PSAP: variants seen among roughly 807,000 people sequenced by gnomAD.
PSAP encodes the protein prosaposin, also known as precursor of saposins.
Under a neutral mutation model 66.0 loss-of-function variants are expected in PSAP, and 25 were observed. The ratio of observed to expected loss-of-function variants is 0.38; its 90% CI spans 0.28 to 0.53. The LOEUF (loss-of-function observed/expected upper bound fraction) is 0.53, where lower values mean the gene tolerates loss of function less well. PSAP is among the 20% of genes least tolerant of loss of function. The pLI is 0.83. For synonymous variants in PSAP, 273 were observed against 258.9 expected, an observed-to-expected ratio of 1.05 and a Z score of -0.52; for missense variants, 649 against 668.8, an observed-to-expected ratio of 0.97 and a Z score of 0.33.
intron 11 of PSAP, 157 bp from the exon 12 acceptor site, chr10:71,819,268 T>A (rs1193219972): frequency 4.0e-6 from 4 of 1,011,142 alleles, no homozygotes; most frequent in Non-Finnish European, 6.0e-6. Flanking sequence ...ACACCCTATC[T>A]ACATTTGGCC....
intron 1 of PSAP, among the ~76,000 whole-genome samples, chr10:71,839,342 C>T (rs958429611): frequency 1.3e-5 from 2 of 152,060 alleles, no homozygotes; most frequent in Non-Finnish European, 1.5e-5. Context: ...CGGGTTCAAG[C>T]GATTCTCCTG....
rs191271117 is a variant in PSAP, at chr10:71,831,821, A to G, written c.249+25T>C. On this transcript the variant is annotated intron_variant, in intron 3 of 13. Coordinates refer to ENST00000394936, the MANE Select transcript of PSAP (RefSeq NM_002778.4). ...CAGTGCACGTGCCCGTGGCTCAAGC[A>G]CCATCCCCACTCACCGCCGCTCACC... 3,631 of 1,611,848 alleles carry G rather than the reference A, an allele frequency of 2.3e-3. 51 individuals are homozygous for G. Among genetic ancestry groups the G allele is most frequent in the East Asian group, 0.019 (865 of 44,874 alleles).
chr10:71,820,652 A>C (rs566039996), intron 8 of PSAP, among the ~76,000 whole-genome samples: 113 of 152,108 alleles, frequency 7.4e-4, no homozygotes, highest in Non-Finnish European at 1.1e-3. Context: ...TTCGGTTACA[A>C]TCATTTCATC....
intron 6 of PSAP, among the ~76,000 whole-genome samples, chr10:71,826,995 C>A (rs971736648): frequency 6.6e-6 from 1 of 152,140 alleles, no homozygotes; most frequent in Non-Finnish European, 1.5e-5. Flanking sequence ...AGTTTCTGAG[C>A]CCACAGGACT....
chr10:71,828,221 TA>T, intron 5 of PSAP, 64 bp from the exon 6 acceptor site: 1 of 1,578,262 alleles, frequency 6.3e-7, no homozygotes, highest in East Asian at 2.2e-5. Context: ...AACGTCCTTA[TA>T]TACTCAGGGC....
chr10:71,831,970 C>A, intron 2 of PSAP, 50 bp from the exon 3 acceptor site: 1 of 1,540,266 alleles, frequency 6.5e-7, no homozygotes, highest in Non-Finnish European at 9.0e-7. Context: ...CAAATTCACA[C>A]CCCACACAGC....
chr10:71,824,513 C>G lies in PSAP; in HGVS notation c.777+1324G>C, dbSNP rs189348541. Among the ~76,000 whole-genome samples, 51 of 152,342 alleles carry G rather than the reference C, an allele frequency of 3.3e-4. No individual in the cohort carries two copies. In the South Asian group the frequency reaches 8.3e-3, roughly 25 times the overall value. On this transcript the variant is annotated intron_variant, in intron 7 of 13. Coordinates refer to ENST00000394936, the MANE Select transcript of PSAP (RefSeq NM_002778.4). ...GATATGCATATATGTATGCATTTGGCTATAAGGATATTCATCTTCCCAAAG... is the reference window on the plus strand; with the variant it reads ...GATATGCATATATGTATGCATTTGGGTATAAGGATATTCATCTTCCCAAAG...
chr10:71,843,221 G>A lies in PSAP; in HGVS notation c.40+7961C>T, dbSNP rs72804014. 7.2e-3 allele frequency among the ~76,000 whole-genome samples: 1,094 copies of A among 152,266 alleles called. 1 individual carries two copies. The highest frequency in any genetic ancestry group is 0.011 in the Admixed American group (172 of 15,290). The stretch of plus-strand genomic sequence containing the variant: ...TACCCAGGGAGGAAGATGTTCCAGA[G>A]AGGTGGAATTCAAAATGGAAAATCT... On this transcript the variant is annotated intron_variant, in intron 1 of 13. Coordinates refer to ENST00000394936, the MANE Select transcript of PSAP (RefSeq NM_002778.4).
At chr10:71,831,555 T>C (rs1842517314) in intron 3 of PSAP, among the ~76,000 whole-genome samples, 1 of 152,216 alleles carries the variant, frequency 6.6e-6, no homozygotes, top group Non-Finnish European at 1.5e-5. Context: ...CAATTAACTT[T>C]GGGCATTTAG....
chr10:71,848,214 G>A (rs989143331), intron 1 of PSAP, among the ~76,000 whole-genome samples: 3 of 152,196 alleles, frequency 2.0e-5, no homozygotes, highest in African/African-American at 7.2e-5. Flanking sequence ...GGGTGAACAG[G>A]GGCCTCTGGA....
chr10:71,847,647 CAA>C (rs771414790), intron 1 of PSAP, among the ~76,000 whole-genome samples: 39 of 125,958 alleles, frequency 3.1e-4, no homozygotes, highest in Admixed American at 3.2e-4. Flanking sequence ...CTTTCTGCTC[CAA>C]AAAAAAAAAA....
intron 1 of PSAP, among the ~76,000 whole-genome samples, chr10:71,847,549 A>G (rs76273335): frequency 0.034 from 5,149 of 152,158 alleles, 130 homozygotes; most frequent in Non-Finnish European, 0.049. Context: ...TCCCATCTCA[A>G]TAACAACCTG....
rs545637827 is a variant in PSAP at position 71,843,331 on chromosome 10, C to G, written c.40+7851G>C. 4.6e-5 allele frequency among the ~76,000 whole-genome samples: 7 copies of G among 152,230 alleles called. No homozygotes were observed. In the South Asian group the frequency reaches 1.5e-3, roughly 32 times the overall value. Reference sequence around the variant, plus strand: ...GGAGGAGCTGAGAGGTGGCCAATCACCAGGTGACAGGCGACCTTGCGGACA... The same window carrying G: ...GGAGGAGCTGAGAGGTGGCCAATCAGCAGGTGACAGGCGACCTTGCGGACA... On this transcript the variant is annotated intron_variant, in intron 1 of 13. Transcript: ENST00000394936.
At chr10:71,818,242 T>A (rs1012986496) in intron 13 of PSAP, among the ~76,000 whole-genome samples, 3 of 152,232 alleles carry the variant, frequency 2.0e-5, no homozygotes, top group East Asian at 3.9e-4. Flanking sequence ...AGGGCAAACA[T>A]GTTCCCGGGG....
At chr10:71,847,530 G>A (rs771517047) in intron 1 of PSAP, among the ~76,000 whole-genome samples, 24 of 151,932 alleles carry the variant, frequency 1.6e-4, no homozygotes, top group Non-Finnish European at 2.9e-4. Context: ...CCTGGGGACA[G>A]AGCAAGACTC....
rs182003631 is a variant in PSAP at position 71,834,057 on chromosome 10, G to A, written c.174+315C>T. Among the ~76,000 whole-genome samples, 244 of 152,300 alleles carry A rather than the reference G, an allele frequency of 1.6e-3. 1 individual carries two copies. The highest frequency in any genetic ancestry group is 5.2e-3 in the African/African-American group (215 of 41,580). ...TGGCCTCTTATCTAAGGTGAGAAGT[G>A]GGATCTGCACAGAGGCCCAGAGGCA... On this transcript the variant is annotated intron_variant, in intron 2 of 13. Transcript: ENST00000394936.
rs1457158498 is a variant in PSAP, at chr10:71,835,838, A to AC, written c.41-1334_41-1333insG. On this transcript the variant is annotated intron_variant, in intron 1 of 13. Coordinates refer to ENST00000394936, the MANE Select transcript of PSAP (RefSeq NM_002778.4). ...CTGAGACAGAAAAAAAAAAAAAAAA[A>AC]ACAAAACACAATCACCTGAGAAACA... Among the ~76,000 whole-genome samples, 105 of 133,862 alleles carry AC rather than the reference A, an allele frequency of 7.8e-4. 3 individuals are homozygous for AC. Among genetic ancestry groups the AC allele is most frequent in the African/African-American group, 3.0e-3 (100 of 33,270 alleles). The allele number at this position is 133,862 out of a possible 152,430, so 87.8% of individuals were successfully genotyped here.
chr10:71,849,557 C>T (rs1056253980), intron 1 of PSAP, among the ~76,000 whole-genome samples: 7 of 151,962 alleles, frequency 4.6e-5, no homozygotes, highest in African/African-American at 1.5e-4. Flanking sequence ...GCCGAGACTA[C>T]GCCATTGCAC....
chr10:71,851,195 G>C lies in PSAP; in HGVS notation c.27C>G (p.Ser9Arg). Reference sequence around the variant, plus strand: ...CCCAGGGCTTACCCGCGCCCAGGAGGCTGGCCAGGAGGAAGAGGGCGTACA... The same window carrying C: ...CCCAGGGCTTACCCGCGCCCAGGAGCCTGGCCAGGAGGAAGAGGGCGTACA... MYALFLLA[S>R]LLGAALAGPV... Residue 9 changes from serine to arginine, a missense_variant, in exon 1 of 14, where the codon AGC becomes AGG. Transcript: ENST00000394936. 1 of 1,551,140 alleles carries C rather than the reference G, an allele frequency of 6.4e-7. No homozygotes were observed. The highest frequency in any genetic ancestry group is 8.7e-7 in the Non-Finnish European group (1 of 1,146,850).
Sources: gnomAD v4.1 joint callset for allele counts (sites outside exome capture counted in the v4.1 genomes callset) on GRCh38, gnomAD v4.1.1 for gene constraint, MANE v1.5 for transcripts, NCBI Gene and HGNC (gene_info 2026-07-23, HGNC 2026-07-21) for gene names.